SYN2: variants seen among roughly 807,000 people sequenced by gnomAD.
SYN2 encodes synapsin-2.
A neutral mutation model predicts 50.9 loss-of-function variants in SYN2; 19 were observed. The ratio of observed to expected loss-of-function variants is 0.37; its 90% CI spans 0.26 to 0.55. The LOEUF (loss-of-function observed/expected upper bound fraction) is 0.55, where lower values mean the gene tolerates loss of function less well. SYN2 is among the 20% of genes least tolerant of loss of function. SYN2 has a pLI of 0.81. For synonymous variants in SYN2, 255 were observed against 224.9 expected (o/e 1.13, Z -1.20); for missense variants, 587 against 576.4 (o/e 1.02, Z -0.19).
chr3:12,107,920 A>G (rs1336113659), intron 1 of SYN2, among the ~76,000 whole-genome samples: 1 of 152,328 alleles, frequency 6.6e-6, no homozygotes, highest in Non-Finnish European at 1.5e-5. Flanking sequence ...GATTTAAGAA[A>G]GTAAGGCCAG....
intron 10 of SYN2, among the ~76,000 whole-genome samples, chr3:12,177,852 C>A (rs1053217923): frequency 2.0e-5 from 3 of 152,206 alleles, no homozygotes; most frequent in African/African-American, 7.2e-5. Flanking sequence ...CAGGGACTGC[C>A]CCCATGGGAT....
In SYN2 at chr3:12,161,587, C is replaced by T. The variant is rs369585512; in HGVS notation, c.816C>T (p.His272=). The T allele has an allele frequency of 4.6e-4, 737 of 1,614,020 alleles. 2 individuals carry two copies. Among genetic ancestry groups the T allele is most frequent in the Middle Eastern group, 8.2e-4 (5 of 6,062 alleles). ...PTFPVVVKIG[H]AHSGMGKVKV... is the part of the protein sequence containing the mutation. ...TCCCTGTGGTGGTGAAGATTGGCCA[C>T]GCTCACTCAGGCATGGGCAAGGTGA... The change falls in exon 6 of 13, where the codon CAC becomes CAT. Residue 272 remains histidine, a synonymous_variant. Transcript: ENST00000621198.
intron 1 of SYN2, among the ~76,000 whole-genome samples, chr3:12,023,949 A>G (rs1023503136): frequency 2.6e-5 from 4 of 152,070 alleles, no homozygotes; most frequent in African/African-American, 9.7e-5. Flanking sequence ...ATGACCCTCA[A>G]TCTGTTATTG....
chr3:12,080,239 AAAC>A (rs1429496018), intron 1 of SYN2, among the ~76,000 whole-genome samples: 1 of 151,720 alleles, frequency 6.6e-6, no homozygotes, highest in Admixed American at 6.6e-5. Context: ...AATTTTTTCA[AAAC>A]AACAGCTCCC....
At chr3:12,019,866 T>C (rs905595535) in intron 1 of SYN2, among the ~76,000 whole-genome samples, 3 of 152,178 alleles carry the variant, frequency 2.0e-5, no homozygotes, top group African/African-American at 4.8e-5. Context: ...TAAAGCTGTG[T>C]CTAAAATCAA....
At chr3:12,077,323 T>C (rs573770042) in intron 1 of SYN2, among the ~76,000 whole-genome samples, 68 of 152,242 alleles carry the variant, frequency 4.5e-4, no homozygotes, top group Non-Finnish European at 6.3e-4. Context: ...AAAAATTATT[T>C]TTCTTTTAAG....
At chr3:12,180,355 A>G (rs1009948171) in intron 10 of SYN2, among the ~76,000 whole-genome samples, 8 of 151,972 alleles carry the variant, frequency 5.3e-5, no homozygotes, top group African/African-American at 1.7e-4. Context: ...AATCAATCCA[A>G]CTTCCTGAGG....
chr3:12,065,774 G>T (rs1347112707), intron 1 of SYN2, among the ~76,000 whole-genome samples: 1 of 152,088 alleles, frequency 6.6e-6, no homozygotes, highest in Admixed American at 6.5e-5. Context: ...CTGGGTGACG[G>T]AATCAATCAT....
chr3:12,113,416 A>G (rs1574947740), intron 1 of SYN2, among the ~76,000 whole-genome samples: 1 of 152,324 alleles, frequency 6.6e-6, no homozygotes, highest in Admixed American at 6.5e-5. Context: ...CTTCGAGAAA[A>G]TTAGCTATAT....
intron 1 of SYN2, among the ~76,000 whole-genome samples, chr3:12,006,470 T>TGTGA (rs779096774): frequency 8.5e-5 from 13 of 152,148 alleles, no homozygotes; most frequent in Non-Finnish European, 1.8e-4. Flanking sequence ...CTAGTAAAGG[T>TGTGA]GCTCAGTCAG....
intron 1 of SYN2, among the ~76,000 whole-genome samples, chr3:12,013,085 T>C (rs1574885565): frequency 2.6e-5 from 4 of 152,242 alleles, no homozygotes; most frequent in African/African-American, 4.8e-5. Context: ...TATCTTCCCT[T>C]TGGAAGTCGC....
intron 1 of SYN2, among the ~76,000 whole-genome samples, chr3:12,079,344 T>C (rs1042103246): frequency 6.6e-6 from 1 of 152,154 alleles, no homozygotes. Flanking sequence ...TTATGTTGAA[T>C]AGGAGTGGTG....
At chr3:12,111,135 CA>C (rs1270724117) in intron 1 of SYN2, among the ~76,000 whole-genome samples, 2 of 152,152 alleles carry the variant, frequency 1.3e-5, no homozygotes, top group African/African-American at 2.4e-5. Flanking sequence ...ATAATTGAAT[CA>C]GGGGGGCAGA....
intron 7 of SYN2, among the ~76,000 whole-genome samples, chr3:12,164,660 T>TA (rs1559449597): frequency 1.3e-5 from 2 of 152,202 alleles, no homozygotes; most frequent in Non-Finnish European, 2.9e-5. Flanking sequence ...GTGGAGGTCA[T>TA]ATGATTTTTG....
intron 1 of SYN2, among the ~76,000 whole-genome samples, chr3:12,133,313 C>T (rs749639383): frequency 6.6e-6 from 1 of 152,158 alleles, no homozygotes; most frequent in Non-Finnish European, 1.5e-5. Flanking sequence ...AACCAATGAT[C>T]CATAACAGAA....
At chr3:12,063,633 A>G (rs201561316) in intron 1 of SYN2, among the ~76,000 whole-genome samples, 1 of 152,002 alleles carries the variant, frequency 6.6e-6, no homozygotes, top group East Asian at 1.9e-4. Flanking sequence ...AGTTTAATAT[A>G]GGCACATACA....
Position 12,184,531 on chromosome 3 carries a change from G to A in SYN2, c.1369+1159G>A, listed in dbSNP as rs6771041. 4.9e-3 allele frequency: 4,854 copies of A among 985,890 alleles called. 186 individuals carry two copies. The African/African-American group carries it at 0.077, about 16-fold the overall frequency. 61.1% of individuals were successfully genotyped at this position (985,890 alleles called of 1,614,324 possible). ...CCCATGTCACTTGAGTGGGTACACT[G>A]CCTACAGAACCTTGAGGTTGACTCC... On this transcript the variant is annotated intron_variant, in intron 11 of 12. Transcript: ENST00000621198.
intron 1 of SYN2, among the ~76,000 whole-genome samples, chr3:12,005,723 G>A (rs144103848): frequency 6.6e-6 from 1 of 151,660 alleles, no homozygotes; most frequent in Non-Finnish European, 1.5e-5. Flanking sequence ...AATAAAAGGA[G>A]ACCTGCCTTA....
At chr3:12,034,288 A>G (rs1694446881) in intron 1 of SYN2, among the ~76,000 whole-genome samples, 1 of 152,172 alleles carries the variant, frequency 6.6e-6, no homozygotes, top group Non-Finnish European at 1.5e-5. Flanking sequence ...CTAATGATTA[A>G]TGATGTCAGC....
Sources: gnomAD v4.1 joint callset for allele counts (sites outside exome capture counted in the v4.1 genomes callset) on GRCh38, gnomAD v4.1.1 for gene constraint, MANE v1.5 for transcripts, NCBI Gene and HGNC (gene_info 2026-07-23, HGNC 2026-07-21) for gene names.